The following BZW2 variants were observed in gnomAD, a reference collection of about 807,000 sequenced individuals.
BZW2 encodes the protein basic leucine zipper and W2 domains 2.
In BZW2, 23 loss-of-function variants were observed where a neutral mutation model predicts 53.2. The ratio of observed to expected loss-of-function variants is 0.43; its 90% CI spans 0.31 to 0.61. The LOEUF is 0.61. BZW2 is among the 20% of genes least tolerant of loss of function. The pLI, the probability that BZW2 is intolerant of heterozygous loss-of-function variation, is 0.09. For missense variants in BZW2, 409 were observed against 503.1 expected (o/e 0.81, Z 1.79); for synonymous variants, 227 against 186.4 (o/e 1.22, Z -1.77).
At chr7:16,680,187 G>C (rs965489038) in intron 3 of BZW2, among the ~76,000 whole-genome samples, 3 of 152,152 alleles carry the variant, frequency 2.0e-5, no homozygotes, top group Non-Finnish European at 4.4e-5. Flanking sequence ...CTATGAGTCA[G>C]ATCTGGTCAG....
chr7:16,685,856 T>C (rs1356289916), intron 5 of BZW2, 49 bp from the exon 6 acceptor site: 1 of 1,485,938 alleles, frequency 6.7e-7, no homozygotes, highest in Non-Finnish European at 8.9e-7. Flanking sequence ...CATGGTTCCT[T>C]TTTTTTTCTT....
At chr7:16,674,811 A>G (rs1402554961) in intron 3 of BZW2, among the ~76,000 whole-genome samples, 1 of 152,170 alleles carries the variant, frequency 6.6e-6, no homozygotes, top group Non-Finnish European at 1.5e-5. Flanking sequence ...ACTTTGGTTG[A>G]CGTTACAACA....
At position 16,691,219 on chromosome 7, in the gene BZW2, T is replaced by G. The variant is rs184821144; in HGVS notation, c.651+1313T>G. ...TGTTTCCTGAATGTCTACCCTGTGC[T>G]GGGCATGGTACCACAAGCTGCAGAG... is the stretch of plus-strand genomic sequence containing the variant. On this transcript the variant is annotated intron_variant, in intron 7 of 11. Coordinates refer to ENST00000258761, the MANE Select transcript of BZW2 (RefSeq NM_014038.3). Among the ~76,000 whole-genome samples the G allele has an allele frequency of 4.1e-3, 617 of 152,320 alleles. 6 individuals carry two copies. The highest frequency in any genetic ancestry group is 0.01 in the Admixed American group (154 of 15,298).
At position 16,674,528 on chromosome 7, in the gene BZW2, T is replaced by G. The variant is rs1467555813; in HGVS notation, c.175T>G (p.Leu59Val). 6.2e-7 allele frequency: 1 copy of G among 1,612,558 alleles called. No individual in the cohort carries two copies. The highest frequency in any genetic ancestry group is 2.2e-5 in the East Asian group (1 of 44,856). ...AKFLDSTGSR[L>V]DYRRYADTLF... ...ATTTCTGGACTCTACAGGCTCAAGATTAGATTATCGTCGCTATGCAGACAC... is the reference window on the plus strand; with the variant it reads ...ATTTCTGGACTCTACAGGCTCAAGAGTAGATTATCGTCGCTATGCAGACAC... The change falls in exon 3 of 12, where the codon TTA becomes GTA. Residue 59 changes from leucine to valine, a missense_variant. Leu to Val is a conservative substitution (Grantham distance 32). Around this residue, in one of 3 missense-constraint regions of BZW2, gnomAD observed 316 missense variants for 366.8 expected, o/e 0.86. Coordinates refer to ENST00000258761, the MANE Select transcript of BZW2 (RefSeq NM_014038.3).
intron 1 of BZW2, among the ~76,000 whole-genome samples, chr7:16,653,622 AT>A (rs1001408300): frequency 6.6e-6 from 1 of 152,222 alleles, no homozygotes; most frequent in Non-Finnish European, 1.5e-5. Context: ...CTCAACATGT[AT>A]TTAGGTATCT....
At chr7:16,700,067 G>A (rs1378487422) in intron 10 of BZW2, among the ~76,000 whole-genome samples, 1 of 152,174 alleles carries the variant, frequency 6.6e-6, no homozygotes, top group Non-Finnish European at 1.5e-5. Flanking sequence ...AAGGGTGAGT[G>A]TCAACATCAA....
At chr7:16,701,735 G>C (rs987978911) in intron 10 of BZW2, among the ~76,000 whole-genome samples, 1 of 152,068 alleles carries the variant, frequency 6.6e-6, no homozygotes, top group African/African-American at 2.4e-5. Flanking sequence ...TTCCTTAAAC[G>C]TGTGTTGAAT....
At chr7:16,648,077 A>T (rs532925434) in intron 1 of BZW2, among the ~76,000 whole-genome samples, 1 of 152,314 alleles carries the variant, frequency 6.6e-6, no homozygotes, top group African/African-American at 2.4e-5. Context: ...AATGCAAATA[A>T]ATCATGTTCA....
chr7:16,660,022 C>T (rs1455706364), intron 1 of BZW2, among the ~76,000 whole-genome samples: 1 of 151,678 alleles, frequency 6.6e-6, no homozygotes, highest in Non-Finnish European at 1.5e-5. Context: ...ACAACAGGCC[C>T]CTTCCTGTGT....
Position 16,674,730 on chromosome 7 carries a change from G to A in BZW2, c.235+142G>A, listed in dbSNP as rs913516068. On this transcript the variant is annotated intron_variant, in intron 3 of 11. Coordinates refer to ENST00000258761, the MANE Select transcript of BZW2 (RefSeq NM_014038.3). ...CAAATGGAAGCCTATAATTTTACCTGGTTTAGGATTTGGAATGGTATTAAT... is the reference window on the plus strand; with the variant it reads ...CAAATGGAAGCCTATAATTTTACCTAGTTTAGGATTTGGAATGGTATTAAT... 32 of 764,400 alleles carry A rather than the reference G, an allele frequency of 4.2e-5. No individual in the cohort carries two copies. In the Middle Eastern group the frequency reaches 3.1e-3, roughly 73 times the overall value. The allele number at this position is 764,400 out of a possible 1,614,324, so 47.4% of individuals were successfully genotyped here. A position where few individuals can be genotyped will look rare whatever the true frequency, so the allele number is the denominator to read the frequency against.
intron 8 of BZW2, 116 bp downstream of exon 8, chr7:16,695,120 G>A (rs706037): frequency 0.23 from 220,961 of 978,108 alleles, 33,709 homozygotes; most frequent in African/African-American, 0.69. Context: ...TGTAAACTTT[G>A]TCCACTTATT....
At chr7:16,702,108 G>T (rs1032394869) in intron 10 of BZW2, among the ~76,000 whole-genome samples, 3 of 152,046 alleles carry the variant, frequency 2.0e-5, no homozygotes, top group Admixed American at 2.0e-4. Context: ...TTCCTAATAG[G>T]CATTTATGAA....
At chr7:16,659,905 G>A (rs868458888) in intron 1 of BZW2, among the ~76,000 whole-genome samples, 6 of 151,432 alleles carry the variant, frequency 4.0e-5, no homozygotes, top group Non-Finnish European at 5.9e-5. Context: ...CAACGTGCAG[G>A]TTTGTTACAT....
At chr7:16,696,224 CTATT>C (rs1783483533) in intron 8 of BZW2, 1 of 152,176 alleles carries the variant, frequency 6.6e-6, no homozygotes, top group South Asian at 2.1e-4. Flanking sequence ...GCCCAAACCT[CTATT>C]TATTATTTTA....
intron 1 of BZW2, among the ~76,000 whole-genome samples, chr7:16,660,480 G>C (rs1012919048): frequency 2.0e-5 from 3 of 151,596 alleles, no homozygotes; most frequent in African/African-American, 7.3e-5. Flanking sequence ...TTTGGAATGT[G>C]GTAATTTTTC....
intron 11 of BZW2, 113 bp downstream of exon 11, chr7:16,704,782 T>G (rs1783781226): frequency 8.9e-7 from 1 of 1,124,096 alleles, no homozygotes; most frequent in African/African-American, 1.5e-5. Context: ...AATTCTAGAG[T>G]TATCTTTCGT....
intron 3 of BZW2, 65 bp downstream of exon 3, chr7:16,674,653 C>A: frequency 7.8e-7 from 1 of 1,280,764 alleles, no homozygotes; most frequent in South Asian, 2.3e-5. Flanking sequence ...GAAGTATTTC[C>A]TTATAAGATA....
chr7:16,681,315 C>G lies in BZW2; in HGVS notation c.250C>G (p.Arg84Gly). 6.2e-7 allele frequency: 1 copy of G among 1,613,806 alleles called. No individual in the cohort carries two copies. Among genetic ancestry groups the G allele is most frequent in the South Asian group, 1.1e-5 (1 of 91,054 alleles). The change falls in exon 4 of 12, where the codon CGC becomes GGC. Residue 84 changes from arginine (R) to glycine (G), a missense_variant. By Grantham distance (125) the Arg-to-Gly change is moderately radical. This residue lies in a region of BZW2 where 316 missense variants were observed against 366.8 expected (regional missense o/e 0.86). Transcript: ENST00000258761. Reference sequence around the variant, plus strand: ...TCTCTTTTTAGCCCCTGGAGGAACGCGCATAGATGATGGTGACAAGACCAA... The same window carrying G: ...TCTCTTTTTAGCCCCTGGAGGAACGGGCATAGATGATGGTGACAAGACCAA... ...AGSMLAPGGT[R>G]IDDGDKTKMT...
intron 8 of BZW2, among the ~76,000 whole-genome samples, chr7:16,695,425 G>C (rs1349589876): frequency 6.6e-6 from 1 of 152,186 alleles, no homozygotes. Flanking sequence ...GTATGAATAT[G>C]TAACAGGCTT....
Sources: gnomAD v4.1 joint callset for allele counts (sites outside exome capture counted in the v4.1 genomes callset) on GRCh38, gnomAD v4.1.1 for gene constraint, gnomAD v4.1.1 regional missense constraint, MANE v1.5 for transcripts, NCBI Gene and HGNC (gene_info 2026-07-23, HGNC 2026-07-21) for gene names.